Variants in ULK4 observed in about 807,000 individuals in gnomAD.
The protein encoded by ULK4 is inactive serine/threonine-protein kinase ULK4.
Under a neutral mutation model 160.6 loss-of-function variants are expected in ULK4, and 133 were observed. That is an observed-to-expected ratio of 0.83 (90% CI 0.72 to 0.96). ULK4 has a LOEUF of 0.96. Ranked by LOEUF, ULK4 falls within the 40% of genes least tolerant of loss-of-function variation. The probability of loss-of-function intolerance (pLI) is 0.00; values close to 1 mark genes in which losing one functional copy is unlikely to be tolerated. For synonymous variants in ULK4, 534 were observed against 539.8 expected, an observed-to-expected ratio of 0.99 and a Z score of 0.15; for missense variants, 1,580 against 1,499.5, an observed-to-expected ratio of 1.05 and a Z score of -0.89.
chr3:41,949,457 C>G (rs1164244259), intron 2 of ULK4, among the ~76,000 whole-genome samples: 5 of 143,132 alleles, frequency 3.5e-5, no homozygotes. Context: ...TTTGAGACAG[C>G]ATTTCACTCT....
intron 22 of ULK4, among the ~76,000 whole-genome samples, chr3:41,736,617 A>G (rs1159291630): frequency 7.9e-5 from 12 of 151,606 alleles, no homozygotes; most frequent in African/African-American, 1.2e-4. Flanking sequence ...AGTAGGTTGC[A>G]AAAATTTTCT....
At chr3:41,815,154 G>A (rs1436799820) in intron 19 of ULK4, among the ~76,000 whole-genome samples, 1 of 152,094 alleles carries the variant, frequency 6.6e-6, no homozygotes. Context: ...TGATCCGCCT[G>A]CCTTGGCCTC....
chr3:41,644,987 G>C (rs1450704849), intron 30 of ULK4, among the ~76,000 whole-genome samples: 1 of 151,378 alleles, frequency 6.6e-6, no homozygotes, highest in Non-Finnish European at 1.5e-5. Flanking sequence ...GTGTAGAGGT[G>C]TTTGTAGTAT....
At chr3:41,353,499 T>G (rs1452414007) in intron 35 of ULK4, among the ~76,000 whole-genome samples, 1 of 150,280 alleles carries the variant, frequency 6.7e-6, no homozygotes, top group Non-Finnish European at 1.5e-5. Flanking sequence ...AGCCCATTTC[T>G]ACAAAAATTT....
intron 32 of ULK4, among the ~76,000 whole-genome samples, chr3:41,544,992 C>T (rs2086810115): frequency 6.6e-6 from 1 of 152,182 alleles, no homozygotes; most frequent in Non-Finnish European, 1.5e-5. Flanking sequence ...ATCAGTTTTT[C>T]TTGAATAAAC....
At chr3:41,320,431 T>A (rs1234922251) in intron 35 of ULK4, among the ~76,000 whole-genome samples, 6 of 152,144 alleles carry the variant, frequency 3.9e-5, no homozygotes, top group Non-Finnish European at 8.8e-5. Context: ...AGTAGTTGCA[T>A]CCCGGAGAGC....
intron 21 of ULK4, among the ~76,000 whole-genome samples, chr3:41,765,910 C>G (rs554118264): frequency 6.6e-6 from 1 of 152,190 alleles, no homozygotes; most frequent in East Asian, 1.9e-4. Context: ...ACTCTACCAC[C>G]AATAAGCAAA....
chr3:41,459,287 ACTC>A (rs1426244616), intron 33 of ULK4, among the ~76,000 whole-genome samples: 1 of 151,738 alleles, frequency 6.6e-6, no homozygotes, highest in Non-Finnish European at 1.5e-5. Flanking sequence ...CTGGTCTTGA[ACTC>A]CTGACCACAT....
intron 30 of ULK4, among the ~76,000 whole-genome samples, chr3:41,616,636 G>C (rs1298983440): frequency 6.6e-6 from 1 of 152,180 alleles, no homozygotes; most frequent in Admixed American, 6.5e-5. Context: ...TCAATCTGCA[G>C]ATCAGGAGAT....
At chr3:41,831,531 A>ATATATATATATATATTTTTTTTTT in intron 18 of ULK4, among the ~76,000 whole-genome samples, 8 of 138,102 alleles carry the variant, frequency 5.8e-5, no homozygotes, top group African/African-American at 2.3e-4. Context: ...ATATATATAT[A>ATATATATATATATATTTTTTTTTT]TTTTTTTTTC....
intron 35 of ULK4, among the ~76,000 whole-genome samples, chr3:41,274,001 C>A (rs1332380420): frequency 1.3e-5 from 2 of 152,102 alleles, no homozygotes; most frequent in Non-Finnish European, 2.9e-5. Context: ...AACCTCTTTT[C>A]TTTATAAATT....
At chr3:41,901,498 T>G (rs1162818812) in intron 12 of ULK4, among the ~76,000 whole-genome samples, 4 of 122,380 alleles carry the variant, frequency 3.3e-5, no homozygotes, top group East Asian at 4.9e-4. Context: ...TTTTTTTTTT[T>G]GAGATAGAGT....
chr3:41,700,671 C>T (rs948696711), intron 27 of ULK4, among the ~76,000 whole-genome samples: 12 of 152,092 alleles, frequency 7.9e-5, no homozygotes, highest in Non-Finnish European at 1.8e-4. Context: ...CAATGACCAG[C>T]AAGGATAAAC....
chr3:41,599,111 T>C (rs1168892966), intron 31 of ULK4, among the ~76,000 whole-genome samples: 1 of 152,214 alleles, frequency 6.6e-6, no homozygotes, highest in East Asian at 1.9e-4. Context: ...TCTACCTCCT[T>C]CTTCCACATC....
intron 35 of ULK4, among the ~76,000 whole-genome samples, chr3:41,366,218 T>C (rs960057798): frequency 2.6e-5 from 4 of 152,172 alleles, no homozygotes; most frequent in Non-Finnish European, 5.9e-5. Flanking sequence ...GGCTTCACTA[T>C]AGGTGCAATT....
chr3:41,455,933 G>A (rs2083540746), intron 33 of ULK4, among the ~76,000 whole-genome samples: 1 of 151,792 alleles, frequency 6.6e-6, no homozygotes, highest in African/African-American at 2.4e-5. Flanking sequence ...TTTTTGAGTT[G>A]GAGTCTCCCT....
Position 41,730,547 on chromosome 3 carries a change from C to T in ULK4, c.2322-12686G>A, listed in dbSNP as rs528769472. On this transcript the variant is annotated intron_variant, in intron 22 of 36. Coordinates refer to ENST00000301831, the MANE Select transcript of ULK4 (RefSeq NM_017886.4). Reference sequence around the variant, plus strand: ...AAATGGACAAATGCCTGGATACACGCAGTCTATCAAAATTGAATCATGAAG... The same window carrying T: ...AAATGGACAAATGCCTGGATACACGTAGTCTATCAAAATTGAATCATGAAG... 2.0e-5 allele frequency among the ~76,000 whole-genome samples: 3 copies of T among 152,166 alleles called. No individual in the cohort carries two copies. The South Asian group carries it at 6.2e-4, about 32-fold the overall frequency.
chr3:41,800,098 C>T, intron 20 of ULK4, 34 bp downstream of exon 20: 7 of 1,516,606 alleles, frequency 4.6e-6, no homozygotes, highest in Middle Eastern at 1.8e-4. Flanking sequence ...TTAAAGATAC[C>T]CAGACATATC....
At chr3:41,509,197 T>C (rs1428723585) in intron 32 of ULK4, among the ~76,000 whole-genome samples, 2 of 151,724 alleles carry the variant, frequency 1.3e-5, no homozygotes, top group African/African-American at 2.4e-5. Flanking sequence ...GTCTCAGCAA[T>C]AGAATCAAAC....
Sources: gnomAD v4.1 joint callset for allele counts (sites outside exome capture counted in the v4.1 genomes callset) on GRCh38, gnomAD v4.1.1 for gene constraint, MANE v1.5 for transcripts, NCBI Gene and HGNC (gene_info 2026-07-23, HGNC 2026-07-21) for gene names.